NXPE3: variants seen among roughly 807,000 people sequenced by gnomAD.
NXPE3 encodes the protein neurexophilin and PC-esterase domain family member 3.
NXPE3 carries 26 observed loss-of-function variants against 46.1 expected under a neutral mutation model. That is an observed-to-expected ratio of 0.56 (90% CI 0.41 to 0.78). The LOEUF (loss-of-function observed/expected upper bound fraction) is 0.78, where lower values mean the gene tolerates loss of function less well. Ranked by LOEUF, NXPE3 falls within the 30% of genes least tolerant of loss-of-function variation. The pLI is 0.00. For synonymous variants in NXPE3, 272 were observed against 257.9 expected (o/e 1.05, Z -0.52); for missense variants, 620 against 686.0 (o/e 0.90, Z 1.07).
In NXPE3 at chr3:101,816,880, T is replaced by G; in HGVS notation, c.1008T>G (p.Phe336Leu). ...YYKDQWRPRK[F>L]KMRQFNDPDN... ...AAGACCAGTGGAGGCCCAGAAAGTT[T>G]AAGATGCGTCAGTTTAATGACCCTG... The change falls in exon 7 of 8, where the codon TTT (phenylalanine) becomes TTG (leucine). Residue 336 changes from phenylalanine (F) to leucine (L), a missense_variant. Physicochemically the swap from Phe to Leu is conservative, Grantham distance 22 (BLOSUM62 0). Transcript: ENST00000273347. 1 of 1,614,142 alleles carries G rather than the reference T, an allele frequency of 6.2e-7. No homozygotes were observed. Among genetic ancestry groups the G allele is most frequent in the Non-Finnish European group, 8.5e-7 (1 of 1,179,990 alleles).
chr3:101,828,122 T>A lies in NXPE3; in HGVS notation c.*6168T>A, dbSNP rs1483900028. ...ACGTACTTGGGTTATTATCGCTGATTACAGCTGGAAACAATTGATTTGCTC... is the reference window on the plus strand; with the variant it reads ...ACGTACTTGGGTTATTATCGCTGATAACAGCTGGAAACAATTGATTTGCTC... On this transcript the variant is annotated 3_prime_UTR_variant, in exon 8 of 8. Transcript: ENST00000273347. 1 of 152,240 alleles carries A rather than the reference T, an allele frequency of 6.6e-6. No individual in the cohort carries two copies. Among genetic ancestry groups the A allele is most frequent in the Non-Finnish European group, 1.5e-5 (1 of 68,040 alleles). The allele number at this position is 152,240 out of a possible 1,614,324, so 9.4% of individuals were successfully genotyped here. A position where few individuals can be genotyped will look rare whatever the true frequency, so the allele number is the denominator to read the frequency against.
In NXPE3 at chr3:101,801,486, C is replaced by T; in HGVS notation, c.345C>T (p.Ala115=). 6.2e-7 allele frequency: 1 copy of T among 1,614,134 alleles called. No homozygotes were observed. ...ACTTTGTCATCTTGAACTCTGCTGC[C>T]TTCTTTAAGGTGGGAAGCCAGCTTG... The part of the protein sequence containing the change: ...SSYFVILNSA[A]FFKVGSQLEV... Residue 115 remains alanine, a synonymous_variant, in exon 5 of 8, where the codon GCC becomes GCT. Transcript: ENST00000273347.
intron 4 of NXPE3, among the ~76,000 whole-genome samples, chr3:101,790,867 A>G (rs1940476280): frequency 6.6e-6 from 1 of 152,160 alleles, no homozygotes; most frequent in Non-Finnish European, 1.5e-5. Flanking sequence ...AAGTGCTGGG[A>G]TTACAGGTGT....
At chr3:101,814,556 A>G (rs1453039689) in intron 6 of NXPE3, among the ~76,000 whole-genome samples, 1 of 152,244 alleles carries the variant, frequency 6.6e-6, no homozygotes, top group African/African-American at 2.4e-5. Context: ...AATAATTTGG[A>G]GTAACACAGA....
rs71132598 is a variant in NXPE3, at chr3:101,808,818, G to GATATAGATATAT, written c.922+1697_922+1698insGATATATATATA. ...ACCAAATGAATTACTAATTTTAGAGGATATATATATATATATATATATATA... is the reference window on the plus strand; with the variant it reads ...ACCAAATGAATTACTAATTTTAGAGGATATAGATATATATATATATATATATATATATATATA... On this transcript the variant is annotated intron_variant, in intron 6 of 7. Coordinates refer to ENST00000273347, the MANE Select transcript of NXPE3 (RefSeq NM_145037.4). Among the ~76,000 whole-genome samples the GATATAGATATAT allele has an allele frequency of 3.7e-3, 114 of 30,814 alleles. 3 individuals carry two copies. The highest frequency in any genetic ancestry group is 0.02 in the Middle Eastern group (1 of 50). The allele number at this position is 30,814 out of a possible 152,430, so 20.2% of individuals were successfully genotyped here. A position where few individuals can be genotyped will look rare whatever the true frequency, so the allele number is the denominator to read the frequency against.
intron 1 of NXPE3, chr3:101,779,787 A>T (rs1441949036): frequency 6.6e-6 from 1 of 152,468 alleles, no homozygotes; most frequent in South Asian, 2.1e-4. Flanking sequence ...TGCCCATCTC[A>T]TATCTCTCGG....
chr3:101,782,071 A>G (rs763160256), intron 1 of NXPE3, 39 bp from the exon 2 acceptor site: 2 of 152,158 alleles, frequency 1.3e-5, no homozygotes, highest in Non-Finnish European at 2.9e-5. Context: ...CATTTTCAGT[A>G]TCTTTAACCT....
At chr3:101,813,419 A>G (rs566279490) in intron 6 of NXPE3, among the ~76,000 whole-genome samples, 199 of 151,762 alleles carry the variant, frequency 1.3e-3, no homozygotes, top group African/African-American at 4.6e-3. Context: ...TGATTTAGGG[A>G]AATTTATCTC....
chr3:101,780,668 T>C (rs1939763657), intron 1 of NXPE3, among the ~76,000 whole-genome samples: 1 of 152,256 alleles, frequency 6.6e-6, no homozygotes, highest in Non-Finnish European at 1.5e-5. Flanking sequence ...ACGATGATTA[T>C]TAATGTTCAT....
rs1942570962 is a variant in NXPE3 at position 101,827,953 on chromosome 3, G to A, written c.*5999G>A. ...TCCTCACTAGAGTGGAGAACTGAAA[G>A]CGAACGCTATAAAGGGCGCCAGTGA... On this transcript the variant is annotated 3_prime_UTR_variant, in exon 8 of 8. Coordinates refer to ENST00000273347, the MANE Select transcript of NXPE3 (RefSeq NM_145037.4). The A allele has an allele frequency of 3.9e-5, 6 of 152,260 alleles. No homozygotes were observed. Among genetic ancestry groups the A allele is most frequent in the Admixed American group, 3.9e-4 (6 of 15,278 alleles). 9.4% of individuals were successfully genotyped at this position (152,260 alleles called of 1,614,324 possible).
rs750337247 is a variant in NXPE3 at position 101,821,678 on chromosome 3, T to G, written c.1404T>G (p.Val468=). Residue 468 remains valine, a synonymous_variant, in exon 8 of 8, where the codon GTT becomes GTG. Transcript: ENST00000273347. ...RRLRNIRRAV[V]RLLDRSPKTV... The stretch of plus-strand genomic sequence containing the variant: ...TCAGGAACATCCGTCGAGCAGTGGT[T>G]CGGCTCCTCGATCGAAGCCCAAAGA... The G allele has an allele frequency of 1.3e-5, 21 of 1,614,094 alleles. No homozygotes were observed. In the East Asian group the frequency reaches 4.5e-4, roughly 34 times the overall value.
chr3:101,797,406 T>C (rs1940891879), intron 4 of NXPE3, among the ~76,000 whole-genome samples: 3 of 137,246 alleles, frequency 2.2e-5, no homozygotes, highest in Non-Finnish European at 4.8e-5. Context: ...ATTATTAAGC[T>C]ATTCTTTTTT....
At position 101,826,531 on chromosome 3, in the gene NXPE3, T is replaced by C. The variant is rs1301199429; in HGVS notation, c.*4577T>C. ...ACCTCAGTGTGCAATAAATAAAATT[T>C]TGAAGTTGTTGTTTTTCATTTGAAG... On this transcript the variant is annotated 3_prime_UTR_variant, in exon 8 of 8. Coordinates refer to ENST00000273347, the MANE Select transcript of NXPE3 (RefSeq NM_145037.4). 6.6e-6 allele frequency: 1 copy of C among 152,146 alleles called. No homozygotes were observed. The highest frequency in any genetic ancestry group is 1.5e-5 in the Non-Finnish European group (1 of 68,026). 9.4% of individuals were successfully genotyped at this position (152,146 alleles called of 1,614,324 possible). A position where few individuals can be genotyped will look rare whatever the true frequency, so the allele number is the denominator to read the frequency against.
chr3:101,803,564 T>C (rs1941269810), intron 5 of NXPE3, among the ~76,000 whole-genome samples: 1 of 152,260 alleles, frequency 6.6e-6, no homozygotes, highest in African/African-American at 2.4e-5. Context: ...ATTTTATTTC[T>C]GTGTACTTTT....
chr3:101,785,006 GTTCT>G (rs1940069717), intron 3 of NXPE3, among the ~76,000 whole-genome samples: 1 of 152,266 alleles, frequency 6.6e-6, no homozygotes, highest in African/African-American at 2.4e-5. Flanking sequence ...TCCTCTTCAT[GTTCT>G]TTAAGTGTAA....
chr3:101,807,616 G>A (rs1941482082), intron 6 of NXPE3, among the ~76,000 whole-genome samples: 1 of 151,846 alleles, frequency 6.6e-6, no homozygotes, highest in African/African-American at 2.4e-5. Flanking sequence ...GTGCACGGCC[G>A]AGTTTTGCTA....
In NXPE3 at chr3:101,823,138, G is replaced by A. The variant is rs1457259677; in HGVS notation, c.*1184G>A. The A allele has an allele frequency of 2.0e-5, 3 of 152,038 alleles. No homozygotes were observed. The highest frequency in any genetic ancestry group is 2.9e-5 in the Non-Finnish European group (2 of 68,014). The allele number at this position is 152,038 out of a possible 1,614,324, so 9.4% of individuals were successfully genotyped here. ...AAGTACTCTTTTCTTTTTGAGCTGT[G>A]ATAGATTATAGTCTAGTTTAAGTTG... On this transcript the variant is annotated 3_prime_UTR_variant, in exon 8 of 8. Transcript: ENST00000273347.
chr3:101,806,945 A>T (rs1370721425), intron 5 of NXPE3, 108 bp from the exon 6 acceptor site: 2 of 770,958 alleles, frequency 2.6e-6, no homozygotes, highest in African/African-American at 1.7e-5. Context: ...ATATTTCATC[A>T]TAATAAGGCT....
chr3:101,807,046 C>T lies in NXPE3; in HGVS notation c.849-7C>T, dbSNP rs749153912. On this transcript the variant is annotated splice_region_variant and splice_polypyrimidine_tract_variant and intron_variant, in intron 5 of 7. Coordinates refer to ENST00000273347, the MANE Select transcript of NXPE3 (RefSeq NM_145037.4). ...CCTGAGCTTGTGCTTTTTTATTCCT[C>T]TTAAAGTGGTGTCAATATCAAAATG... 27 of 1,605,096 alleles carry T rather than the reference C, an allele frequency of 1.7e-5. No individual in the cohort carries two copies. The South Asian group carries it at 2.9e-4, about 17-fold the overall frequency.
Sources: allele counts gnomAD v4.1 joint callset (sites outside exome capture counted in the v4.1 genomes callset), GRCh38; gene constraint gnomAD v4.1.1; transcripts MANE v1.5; gene names NCBI Gene and HGNC (gene_info 2026-07-23, HGNC 2026-07-21).